The following PALS2 variants were observed in gnomAD, a reference collection of about 807,000 sequenced individuals.
The protein encoded by PALS2 is protein associated with LIN7 2, MAGUK p55 family member.
Under a neutral mutation model 61.6 loss-of-function variants are expected in PALS2, and 27 were observed. That is an observed-to-expected ratio of 0.44 (90% CI 0.32 to 0.60). PALS2 has a LOEUF of 0.60. Among genes scored for constraint, PALS2 ranks in the 20% least tolerant of loss-of-function variants. The pLI is 0.05. For missense variants in PALS2, 554 were observed against 639.4 expected (o/e 0.87, Z 1.44); for synonymous variants, 236 against 218.6 (o/e 1.08, Z -0.70).
intron 9 of PALS2, among the ~76,000 whole-genome samples, chr7:24,670,313 T>C (rs1787232476): frequency 6.6e-6 from 1 of 152,144 alleles, no homozygotes; most frequent in Non-Finnish European, 1.5e-5. Context: ...AACTAAAGAC[T>C]TGTTTATCCA....
chr7:24,603,181 T>C (rs1218407997), intron 1 of PALS2, among the ~76,000 whole-genome samples: 1 of 152,190 alleles, frequency 6.6e-6, no homozygotes, highest in African/African-American at 2.4e-5. Flanking sequence ...ATTTCTGTCA[T>C]TTAAGCTACC....
chr7:24,646,034 A>G (rs1229472606), intron 3 of PALS2, among the ~76,000 whole-genome samples: 1 of 152,064 alleles, frequency 6.6e-6, no homozygotes, highest in Non-Finnish European at 1.5e-5. Flanking sequence ...TGAAGTTATC[A>G]GCTGGAGGAG....
intron 11 of PALS2, among the ~76,000 whole-genome samples, chr7:24,682,672 G>A (rs999176799): frequency 6.6e-6 from 1 of 152,196 alleles, no homozygotes; most frequent in African/African-American, 2.4e-5. Flanking sequence ...TTAGGTGGGA[G>A]AGTTAGTCTG....
At chr7:24,609,938 A>C (rs771842071) in intron 1 of PALS2, among the ~76,000 whole-genome samples, 2 of 152,034 alleles carry the variant, frequency 1.3e-5, no homozygotes, top group Non-Finnish European at 2.9e-5. Context: ...TCAGCTCTAC[A>C]TTTGTTTTAA....
chr7:24,629,031 T>C lies in PALS2; in HGVS notation c.117+5247T>C, dbSNP rs191894951. Among the ~76,000 whole-genome samples the C allele has an allele frequency of 2.6e-3, 390 of 152,140 alleles. 1 individual carries two copies. The highest frequency in any genetic ancestry group is 0.01 in the Middle Eastern group (3 of 294). ...GAACCAAAAAAGAGCCGGTATAGCC[T>C]AGACAATCCTAAGCAAAAAGAACAA... On this transcript the variant is annotated intron_variant, in intron 2 of 11. Transcript: ENST00000222644.
chr7:24,642,944 G>T (rs1785640462), intron 3 of PALS2, among the ~76,000 whole-genome samples: 1 of 152,102 alleles, frequency 6.6e-6, no homozygotes, highest in Non-Finnish European at 1.5e-5. Context: ...ACCAGGGAAA[G>T]GTCAGGTTTG....
chr7:24,617,209 G>T (rs1037428405), intron 1 of PALS2, among the ~76,000 whole-genome samples: 10 of 151,920 alleles, frequency 6.6e-5, no homozygotes, highest in Admixed American at 6.5e-5. Flanking sequence ...TTCATTCATT[G>T]AATTCTTCAG....
intron 8 of PALS2, among the ~76,000 whole-genome samples, chr7:24,668,169 A>G (rs1207789385): frequency 6.6e-5 from 10 of 152,136 alleles, no homozygotes; most frequent in African/African-American, 2.4e-4. Context: ...AAAAAAAATT[A>G]AAAATTAGCT....
chr7:24,584,846 G>A (rs1782996640), intron 1 of PALS2, among the ~76,000 whole-genome samples: 2 of 151,806 alleles, frequency 1.3e-5, no homozygotes, highest in Admixed American at 6.5e-5. Context: ...TGTATAAGGT[G>A]TAAGGAAGGG....
intron 2 of PALS2, among the ~76,000 whole-genome samples, chr7:24,640,952 G>A (rs918884027): frequency 1.4e-5 from 2 of 142,474 alleles, no homozygotes; most frequent in African/African-American, 5.3e-5. Context: ...AGCTTGCAGT[G>A]AGCTGAGGTC....
At chr7:24,583,251 T>G (rs777214104) in intron 1 of PALS2, among the ~76,000 whole-genome samples, 48 of 152,036 alleles carry the variant, frequency 3.2e-4, no homozygotes, top group Non-Finnish European at 5.4e-4. Context: ...TAGTAATCTT[T>G]TGGAATGGAG....
intron 1 of PALS2, chr7:24,589,286 C>T (rs1282423839): frequency 6.6e-6 from 1 of 152,300 alleles, no homozygotes; most frequent in Non-Finnish European, 1.5e-5. Context: ...AATAGGCTCT[C>T]ATTAGTTTGC....
intron 9 of PALS2, among the ~76,000 whole-genome samples, chr7:24,669,534 A>C (rs563338236): frequency 6.6e-6 from 1 of 152,290 alleles, no homozygotes; most frequent in South Asian, 2.1e-4. Context: ...CTGTGCTTCT[A>C]TTTCTGACCA....
At chr7:24,606,265 A>T (rs1391858020) in intron 1 of PALS2, among the ~76,000 whole-genome samples, 1 of 152,194 alleles carries the variant, frequency 6.6e-6, no homozygotes, top group African/African-American at 2.4e-5. Context: ...TGCTAGAAAT[A>T]CTTTACCCTA....
At chr7:24,680,216 G>C (rs979531264) in intron 10 of PALS2, among the ~76,000 whole-genome samples, 176 bp from the exon 11 acceptor site, 1 of 152,122 alleles carries the variant, frequency 6.6e-6, no homozygotes, top group African/African-American at 2.4e-5. Flanking sequence ...AAAATAAATG[G>C]ATCACTGTTT....
intron 2 of PALS2, among the ~76,000 whole-genome samples, chr7:24,628,490 C>T (rs544418253): frequency 5.3e-5 from 8 of 152,228 alleles, no homozygotes; most frequent in African/African-American, 1.7e-4. Flanking sequence ...TCTTATTCAA[C>T]GTAGTATTGG....
At chr7:24,640,221 AT>A (rs1229747895) in intron 2 of PALS2, among the ~76,000 whole-genome samples, 2 of 151,478 alleles carry the variant, frequency 1.3e-5, no homozygotes, top group Admixed American at 1.3e-4. Context: ...CTTTCTCGGT[AT>A]TTCATATGAC....
chr7:24,613,251 C>T (rs1458095052), intron 1 of PALS2, among the ~76,000 whole-genome samples: 2 of 151,166 alleles, frequency 1.3e-5, no homozygotes, highest in Non-Finnish European at 3.0e-5. Context: ...AAGAGAGGAC[C>T]CTTGGAAATC....
intron 1 of PALS2, among the ~76,000 whole-genome samples, chr7:24,614,756 A>G (rs914638839): frequency 6.6e-6 from 1 of 151,920 alleles, no homozygotes; most frequent in Non-Finnish European, 1.5e-5. Flanking sequence ...TTTACAGAAC[A>G]TTTCACCCAA....
Sources: gnomAD v4.1 joint callset for allele counts (sites outside exome capture counted in the v4.1 genomes callset) on GRCh38, gnomAD v4.1.1 for gene constraint, MANE v1.5 for transcripts, NCBI Gene and HGNC (gene_info 2026-07-23, HGNC 2026-07-21) for gene names.